GTF2F2: variants seen among roughly 807,000 people sequenced by gnomAD.
The protein encoded by GTF2F2 is ATP-dependent helicase GTF2F2.
In GTF2F2, 23 loss-of-function variants were observed where a neutral mutation model predicts 42.2. The observed-to-expected ratio is 0.55, with a 90% CI of 0.39 to 0.77. GTF2F2 has a LOEUF of 0.77. Among genes scored for constraint, GTF2F2 ranks in the 30% least tolerant of loss-of-function variants. The pLI, the probability that GTF2F2 is intolerant of heterozygous loss-of-function variation, is 0.00. For missense variants in GTF2F2, 261 were observed against 287.2 expected, an observed-to-expected ratio of 0.91 and a Z score of 0.66; for synonymous variants, 105 against 100.8, an observed-to-expected ratio of 1.04 and a Z score of -0.25.
At chr13:45,177,966 ATTTT>A (rs767781988) in intron 4 of GTF2F2, among the ~76,000 whole-genome samples, 53 of 152,082 alleles carry the variant, frequency 3.5e-4, no homozygotes, top group Middle Eastern at 3.4e-3. Flanking sequence ...GTATATACAA[ATTTT>A]TTTGATTATC....
intron 1 of GTF2F2, among the ~76,000 whole-genome samples, chr13:45,127,964 T>TC (rs1869124633): frequency 3.2e-5 from 4 of 126,170 alleles, no homozygotes; most frequent in East Asian, 2.4e-4. Context: ...TTTTTTTTTT[T>TC]TTTTTCTTTT....
intron 2 of GTF2F2, among the ~76,000 whole-genome samples, chr13:45,139,894 C>T (rs534779644): frequency 6.6e-6 from 1 of 152,248 alleles, no homozygotes; most frequent in East Asian, 1.9e-4. Context: ...TCTCCCATAC[C>T]AAAATCTACC....
chr13:45,182,390 C>T (rs1872209613), intron 4 of GTF2F2, among the ~76,000 whole-genome samples: 1 of 152,096 alleles, frequency 6.6e-6, no homozygotes, highest in Admixed American at 6.5e-5. Flanking sequence ...AATCACTGCA[C>T]CCGGCCACTT....
intron 5 of GTF2F2, among the ~76,000 whole-genome samples, chr13:45,208,032 G>A (rs1028756261): frequency 6.6e-5 from 10 of 151,824 alleles, no homozygotes; most frequent in African/African-American, 2.4e-4. Flanking sequence ...GCTGAGGTGT[G>A]AGGATTGCTT....
chr13:45,197,483 T>G (rs1872959244), intron 4 of GTF2F2, among the ~76,000 whole-genome samples: 1 of 140,156 alleles, frequency 7.1e-6, no homozygotes, highest in Admixed American at 7.6e-5. Context: ...CACTCCAGTC[T>G]GGGCAACACA....
intron 5 of GTF2F2, among the ~76,000 whole-genome samples, chr13:45,212,530 CT>C (rs980248619): frequency 1.6e-5 from 2 of 121,666 alleles, no homozygotes; most frequent in African/African-American, 6.3e-5. Context: ...CTCTTTCTCT[CT>C]TTCTCACTTT....
rs34744288 is a variant in GTF2F2, at chr13:45,240,101, A to ATTTTTTTTTTTTT, written c.387-12756_387-12744dup. ...TCCAATTTCTGTATTATGTAGAGGG[A>ATTTTTTTTTTTTT]TTTTTTTTTTTTTTTTTTTTTTTTT... On this transcript the variant is annotated intron_variant, in intron 5 of 7. Transcript: ENST00000340473. 3.1e-4 allele frequency among the ~76,000 whole-genome samples: 28 copies of ATTTTTTTTTTTTT among 91,084 alleles called. 3 individuals are homozygous for ATTTTTTTTTTTTT. The highest frequency in any genetic ancestry group is 1.4e-3 in the African/African-American group (26 of 18,838). 59.8% of individuals were successfully genotyped at this position (91,084 alleles called of 152,430 possible).
chr13:45,236,264 T>C (rs182266962), intron 5 of GTF2F2, among the ~76,000 whole-genome samples: 22 of 151,610 alleles, frequency 1.5e-4, no homozygotes, highest in Admixed American at 2.6e-4. Flanking sequence ...AGATGGGGAG[T>C]TGGCAAGGAA....
At chr13:45,139,480 T>C (rs928237817) in intron 2 of GTF2F2, among the ~76,000 whole-genome samples, 3 of 152,226 alleles carry the variant, frequency 2.0e-5, no homozygotes, top group African/African-American at 7.2e-5. Flanking sequence ...TTTTTCTCTC[T>C]GTAACACTCT....
chr13:45,218,073 G>T (rs1277845448), intron 5 of GTF2F2, among the ~76,000 whole-genome samples: 1 of 152,212 alleles, frequency 6.6e-6, no homozygotes, highest in Non-Finnish European at 1.5e-5. Context: ...GAAAGAAAGA[G>T]AACTCACTGA....
chr13:45,234,913 C>T (rs973501877), intron 5 of GTF2F2, among the ~76,000 whole-genome samples: 1 of 151,788 alleles, frequency 6.6e-6, no homozygotes, highest in African/African-American at 2.4e-5. Flanking sequence ...GGCATGGTGG[C>T]GCATGCCTGT....
intron 4 of GTF2F2, among the ~76,000 whole-genome samples, chr13:45,199,605 C>T (rs1352533080): frequency 6.6e-6 from 1 of 152,088 alleles, no homozygotes; most frequent in Admixed American, 6.6e-5. Context: ...TGTAAGCCAT[C>T]AAATGAACAT....
chr13:45,145,697 T>C (rs1411291591), intron 2 of GTF2F2, among the ~76,000 whole-genome samples: 2 of 152,254 alleles, frequency 1.3e-5, no homozygotes, highest in South Asian at 2.1e-4. Context: ...TTGTCCTTAA[T>C]ATAGTTACTT....
intron 5 of GTF2F2, among the ~76,000 whole-genome samples, chr13:45,245,923 T>G (rs1875576957): frequency 7.3e-6 from 1 of 137,240 alleles, no homozygotes; most frequent in Admixed American, 7.5e-5. Context: ...CCTGGGCGAC[T>G]AGCGAGACTC....
intron 6 of GTF2F2, among the ~76,000 whole-genome samples, chr13:45,265,145 G>C (rs1876510999): frequency 6.6e-6 from 1 of 152,016 alleles, no homozygotes; most frequent in South Asian, 2.1e-4. Context: ...TGTAATCCCA[G>C]CTACTCGGGA....
intron 5 of GTF2F2, among the ~76,000 whole-genome samples, chr13:45,217,127 C>T (rs1194155375): frequency 4.0e-5 from 6 of 151,636 alleles, no homozygotes; most frequent in African/African-American, 7.3e-5. Flanking sequence ...AGTGAAACCC[C>T]GTCTCTACTA....
At chr13:45,257,440 A>G (rs928946293) in intron 6 of GTF2F2, among the ~76,000 whole-genome samples, 3 of 152,214 alleles carry the variant, frequency 2.0e-5, no homozygotes, top group East Asian at 1.9e-4. Flanking sequence ...TGGTCACATA[A>G]AAAGGATTCT....
At chr13:45,258,777 A>T (rs1016056856) in intron 6 of GTF2F2, among the ~76,000 whole-genome samples, 21 of 152,170 alleles carry the variant, frequency 1.4e-4, no homozygotes, top group Non-Finnish European at 3.1e-4. Context: ...ATATCTATTT[A>T]TAAATACAGT....
chr13:45,253,988 G>A (rs1448801042), intron 6 of GTF2F2, among the ~76,000 whole-genome samples: 1 of 151,840 alleles, frequency 6.6e-6, no homozygotes, highest in African/African-American at 2.4e-5. Flanking sequence ...CAGGAGAATG[G>A]GAGGCGGAGC....
Sources: gnomAD v4.1 joint callset for allele counts (sites outside exome capture counted in the v4.1 genomes callset) on GRCh38, gnomAD v4.1.1 for gene constraint, MANE v1.5 for transcripts, NCBI Gene and HGNC (gene_info 2026-07-23, HGNC 2026-07-21) for gene names.